CCDC102B: variants seen among roughly 807,000 people sequenced by gnomAD.
The protein encoded by CCDC102B is coiled-coil domain containing 102B, also known as coiled-coil domain-containing protein 102B.
CCDC102B carries 75 observed loss-of-function variants against 57.4 expected under a neutral mutation model. The observed-to-expected ratio is 1.31, with a 90% confidence interval of 1.08 to 1.58. The LOEUF (loss-of-function observed/expected upper bound fraction) is 1.58, where lower values mean the gene tolerates loss of function less well. Among genes scored for constraint, CCDC102B ranks in the 40% most tolerant of loss-of-function variants. CCDC102B has a pLI of 0.00. For synonymous variants in CCDC102B, 206 were observed against 201.9 expected, an observed-to-expected ratio of 1.02 and a Z score of -0.17; for missense variants, 636 against 582.6, an observed-to-expected ratio of 1.09 and a Z score of -0.94.
At chr18:68,765,373 GAAAGAAAA>G (rs2034427507) in intron 2 of CCDC102B, among the ~76,000 whole-genome samples, 1 of 119,790 alleles carries the variant, frequency 8.3e-6, no homozygotes, top group African/African-American at 3.2e-5. Context: ...AAGAAAGAAA[GAAAGAAAA>G]GAAAGAAAGA....
intron 2 of CCDC102B, among the ~76,000 whole-genome samples, chr18:68,743,403 C>G (rs1026088897): frequency 1.3e-5 from 2 of 152,036 alleles, no homozygotes; most frequent in African/African-American, 4.8e-5. Context: ...GAGCGATACT[C>G]CATCTCAAAA....
intron 6 of CCDC102B, among the ~76,000 whole-genome samples, 191 bp from the exon 7 acceptor site, chr18:69,010,743 C>T (rs554964742): frequency 2.0e-5 from 3 of 152,172 alleles, no homozygotes; most frequent in East Asian, 1.9e-4. Flanking sequence ...GTATTTTAGT[C>T]ACATATCTTT....
chr18:69,003,107 T>C (rs762125303), intron 6 of CCDC102B, among the ~76,000 whole-genome samples: 22 of 152,182 alleles, frequency 1.4e-4, no homozygotes, highest in Non-Finnish European at 2.9e-4. Context: ...AAATATTTTT[T>C]TTCCCACAAA....
intron 6 of CCDC102B, among the ~76,000 whole-genome samples, chr18:68,909,918 A>C (rs2040779293): frequency 6.6e-6 from 1 of 152,192 alleles, no homozygotes; most frequent in Non-Finnish European, 1.5e-5. Context: ...TAAATAAGAC[A>C]GAATTACAGA....
intron 5 of CCDC102B, among the ~76,000 whole-genome samples, chr18:68,882,955 A>G (rs2144964253): frequency 6.6e-6 from 1 of 152,322 alleles, no homozygotes; most frequent in East Asian, 1.9e-4. Context: ...ATGGACACGT[A>G]GAGGGGAACA....
intron 3 of CCDC102B, among the ~76,000 whole-genome samples, chr18:68,840,332 C>G (rs1374773054): frequency 6.6e-6 from 1 of 152,036 alleles, no homozygotes; most frequent in Non-Finnish European, 1.5e-5. Context: ...AATATGCATG[C>G]TAGCCATTCA....
At chr18:68,856,463 A>G (rs1175262917) in intron 4 of CCDC102B, among the ~76,000 whole-genome samples, 1 of 151,952 alleles carries the variant, frequency 6.6e-6, no homozygotes, top group East Asian at 1.9e-4. Context: ...GCTAATTTAT[A>G]ATTTTTAAAA....
At chr18:69,001,278 C>T (rs926750677) in intron 6 of CCDC102B, among the ~76,000 whole-genome samples, 2 of 151,224 alleles carry the variant, frequency 1.3e-5, no homozygotes, top group African/African-American at 4.9e-5. Context: ...TAACTTACCT[C>T]CGACATAATC....
chr18:68,874,749 C>G lies in CCDC102B; in HGVS notation c.1017C>G (p.Asn339Lys), dbSNP rs764163061. Residue 339 changes from asparagine (N) to lysine (K), a missense_variant, in exon 5 of 8, where the codon AAC becomes AAG. By Grantham distance (94) the Asn-to-Lys change is moderately conservative. Coordinates refer to ENST00000360242, the MANE Select transcript of CCDC102B (RefSeq NM_024781.3). ...TAAAGGAAGAATCCAAATCTCAAAA[C>G]AGCAAAGACAGAGTGATTTGTGAGT... ...GNIKEESKSQ[N>K]SKDRVICELR... 3.7e-6 allele frequency: 6 copies of G among 1,610,766 alleles called. No homozygotes were observed. Among genetic ancestry groups the G allele is most frequent in the Non-Finnish European group, 5.1e-6 (6 of 1,177,426 alleles).
intron 2 of CCDC102B, among the ~76,000 whole-genome samples, chr18:68,763,327 T>G (rs1787264): frequency 0.98 from 149,583 of 152,192 alleles, 73,562 homozygotes; most frequent in East Asian, 1. Context: ...AGACGGATTT[T>G]TAAAATAAGC....
At chr18:68,742,921 A>G (rs1276723751) in intron 2 of CCDC102B, among the ~76,000 whole-genome samples, 2 of 152,116 alleles carry the variant, frequency 1.3e-5, no homozygotes, top group East Asian at 1.9e-4. Flanking sequence ...GGATGCCTGG[A>G]TGTCTGGCTT....
intron 6 of CCDC102B, 180 bp downstream of exon 6, chr18:68,897,608 A>G (rs777376486): frequency 1.1e-5 from 17 of 1,551,632 alleles, no homozygotes; most frequent in Admixed American, 1.8e-5. Flanking sequence ...CATCTGAAAC[A>G]AAGTGTGTCA....
chr18:68,927,026 C>A (rs2041496100), intron 6 of CCDC102B, among the ~76,000 whole-genome samples: 1 of 151,836 alleles, frequency 6.6e-6, no homozygotes, highest in South Asian at 2.1e-4. Flanking sequence ...GATAAATGAG[C>A]CAAAAGTTAG....
chr18:68,766,461 G>A (rs1005931003), intron 2 of CCDC102B, among the ~76,000 whole-genome samples: 15 of 152,112 alleles, frequency 9.9e-5, no homozygotes, highest in Admixed American at 8.5e-4. Flanking sequence ...TCTTACCCAC[G>A]TCAAGTGTGG....
chr18:68,773,966 T>C (rs948569761), intron 2 of CCDC102B, among the ~76,000 whole-genome samples: 3 of 151,862 alleles, frequency 2.0e-5, no homozygotes, highest in African/African-American at 7.3e-5. Context: ...TTTCTTTCAA[T>C]AGTACCTATA....
At chr18:68,860,475 C>CAAAAAAAAAAAAAAA (rs1169097862) in intron 4 of CCDC102B, among the ~76,000 whole-genome samples, 9 of 53,064 alleles carry the variant, frequency 1.7e-4, no homozygotes, top group African/African-American at 2.9e-4. Flanking sequence ...AAAACAAAAA[C>CAAAAAAAAAAAAAAA]AAAAAAAAAA....
chr18:68,907,345 A>T (rs2040687364), intron 6 of CCDC102B, among the ~76,000 whole-genome samples: 1 of 151,908 alleles, frequency 6.6e-6, no homozygotes, highest in African/African-American at 2.4e-5. Context: ...ATAAAAAAAA[A>T]ACGCCATTGG....
intron 6 of CCDC102B, among the ~76,000 whole-genome samples, chr18:68,903,339 A>G (rs1321234995): frequency 1.3e-5 from 2 of 152,194 alleles, no homozygotes. Flanking sequence ...GAAAAGATGT[A>G]AGACAAATGA....
intron 7 of CCDC102B, among the ~76,000 whole-genome samples, chr18:69,049,961 C>T (rs1030925369): frequency 6.6e-6 from 1 of 152,124 alleles, no homozygotes; most frequent in Non-Finnish European, 1.5e-5. Context: ...AGGTGCCCGC[C>T]ACCATGCCCG....
Sources: allele counts gnomAD v4.1 joint callset (sites outside exome capture counted in the v4.1 genomes callset), GRCh38; gene constraint gnomAD v4.1.1; transcripts MANE v1.5; gene names NCBI Gene and HGNC (gene_info 2026-07-23, HGNC 2026-07-21).